Variants in CCSER1 observed in about 807,000 individuals in gnomAD.
The protein encoded by CCSER1 is serine-rich coiled-coil domain-containing protein 1.
In CCSER1, 41 loss-of-function variants were observed where a neutral mutation model predicts 82.0. The observed-to-expected ratio is 0.50, with a 90% CI of 0.39 to 0.65. The LOEUF is 0.65. CCSER1 is among the 30% of genes least tolerant of loss of function. The pLI is 0.00. For synonymous variants in CCSER1, 414 were observed against 383.9 expected (o/e 1.08, Z -0.92); for missense variants, 1,119 against 1,064.2 (o/e 1.05, Z -0.72).
chr4:91,087,123 G>T (rs990003773), intron 10 of CCSER1, among the ~76,000 whole-genome samples: 7 of 152,014 alleles, frequency 4.6e-5, no homozygotes, highest in Admixed American at 4.6e-4. Flanking sequence ...TAACCAAAAT[G>T]GATCTACTTA....
At chr4:90,199,417 T>C (rs2153403831) in intron 1 of CCSER1, among the ~76,000 whole-genome samples, 1 of 152,318 alleles carries the variant, frequency 6.6e-6, no homozygotes, top group East Asian at 1.9e-4. Context: ...ATTACCCCTT[T>C]TGTTTTTCCA....
intron 10 of CCSER1, among the ~76,000 whole-genome samples, chr4:91,589,476 A>AT (rs748539101): frequency 2.6e-5 from 4 of 151,828 alleles, no homozygotes; most frequent in Non-Finnish European, 5.9e-5. Context: ...GAATCTAAAG[A>AT]TTTTTTTAAG....
intron 10 of CCSER1, among the ~76,000 whole-genome samples, chr4:91,439,248 C>T (rs530194814): frequency 6.6e-6 from 1 of 151,930 alleles, no homozygotes; most frequent in South Asian, 2.1e-4. Flanking sequence ...CGGGTTACCC[C>T]CAAAGGGAAG....
rs571742936 is a variant in CCSER1 at position 91,363,267 on chromosome 4, G to A, written c.2218-235305G>A. Among the ~76,000 whole-genome samples the A allele has an allele frequency of 5.9e-5, 9 of 151,660 alleles. 1 individual carries two copies. The highest frequency in any genetic ancestry group is 4.2e-4 in the South Asian group (2 of 4,816). On this transcript the variant is annotated intron_variant, in intron 10 of 10. Transcript: ENST00000509176. The stretch of plus-strand genomic sequence containing the variant: ...ATTGAAGAAAAGACCTATAGTTTAC[G>A]TCTAGCAGATTAATTCATAATAAAT...
chr4:91,158,675 A>G (rs967879998), intron 10 of CCSER1, among the ~76,000 whole-genome samples: 2 of 151,686 alleles, frequency 1.3e-5, no homozygotes, highest in Non-Finnish European at 2.9e-5. Flanking sequence ...ACAAACGTGC[A>G]GGCAAACGCA....
At chr4:90,983,119 C>G (rs1736269808) in intron 9 of CCSER1, among the ~76,000 whole-genome samples, 2 of 151,752 alleles carry the variant, frequency 1.3e-5, no homozygotes, top group Non-Finnish European at 2.9e-5. Flanking sequence ...TCATGAATCA[C>G]TATCACAACC....
At chr4:90,659,397 A>G (rs1002523598) in intron 6 of CCSER1, among the ~76,000 whole-genome samples, 2 of 152,234 alleles carry the variant, frequency 1.3e-5, no homozygotes, top group East Asian at 3.9e-4. Flanking sequence ...CTCTTAGTGG[A>G]TAAGAATTGT....
intron 10 of CCSER1, among the ~76,000 whole-genome samples, chr4:91,395,680 G>T (rs1013137867): frequency 1.3e-5 from 2 of 152,026 alleles, no homozygotes; most frequent in Admixed American, 6.6e-5. Flanking sequence ...TTATATCACA[G>T]GAATCTTATT....
At chr4:90,630,125 G>A (rs1724097525) in intron 6 of CCSER1, among the ~76,000 whole-genome samples, 1 of 111,154 alleles carries the variant, frequency 9.0e-6, no homozygotes. Context: ...ATTACTATGT[G>A]TATAACTGTA....
chr4:90,524,412 C>T (rs898153685), intron 5 of CCSER1, among the ~76,000 whole-genome samples: 2 of 152,168 alleles, frequency 1.3e-5, no homozygotes, highest in Non-Finnish European at 1.5e-5. Flanking sequence ...TTCCAAACCA[C>T]AAGTACCTTG....
chr4:91,470,741 A>C (rs1387285869), intron 10 of CCSER1, among the ~76,000 whole-genome samples: 3 of 152,162 alleles, frequency 2.0e-5, no homozygotes, highest in Non-Finnish European at 4.4e-5. Flanking sequence ...GAGTTCTTGT[A>C]ATCTACCATC....
At chr4:90,931,499 C>A (rs1346951585) in intron 9 of CCSER1, among the ~76,000 whole-genome samples, 1 of 151,972 alleles carries the variant, frequency 6.6e-6, no homozygotes, top group Non-Finnish European at 1.5e-5. Flanking sequence ...ATTTTTTAAT[C>A]GCAGAAATCA....
intron 9 of CCSER1, among the ~76,000 whole-genome samples, chr4:90,926,454 A>G (rs1729073489): frequency 6.6e-6 from 1 of 152,030 alleles, no homozygotes; most frequent in South Asian, 2.1e-4. Flanking sequence ...TTGGGAAAAT[A>G]GCTGTTGCTA....
chr4:91,024,828 A>T (rs1199873553), intron 9 of CCSER1, among the ~76,000 whole-genome samples: 3 of 152,146 alleles, frequency 2.0e-5, no homozygotes, highest in Non-Finnish European at 4.4e-5. Context: ...AGCAGGTATG[A>T]CTTTAAAAAA....
intron 9 of CCSER1, among the ~76,000 whole-genome samples, chr4:91,025,186 G>C (rs1026599114): frequency 1.3e-5 from 2 of 152,062 alleles, no homozygotes; most frequent in South Asian, 2.1e-4. Context: ...TTTGTCTCTT[G>C]TAATTTCTAT....
chr4:91,594,470 CAT>C lies in CCSER1; in HGVS notation c.2218-4094_2218-4093del, dbSNP rs1226229660. On this transcript the variant is annotated intron_variant, in intron 10 of 10. Coordinates refer to ENST00000509176, the MANE Select transcript of CCSER1 (RefSeq NM_001145065.2). ...ATACATATATATACACACATATATACATATATATACATATATATATACCCAAA... is the reference window on the plus strand; with the variant it reads ...ATACATATATATACACACATATATACATATATACATATATATATACCCAAA... Among the ~76,000 whole-genome samples the C allele has an allele frequency of 1.2e-3, 172 of 148,392 alleles. 1 individual carries two copies. The highest frequency in any genetic ancestry group is 4.0e-3 in the African/African-American group (163 of 40,530).
intron 10 of CCSER1, among the ~76,000 whole-genome samples, chr4:91,400,608 T>C (rs964475704): frequency 6.6e-6 from 1 of 150,606 alleles, no homozygotes; most frequent in Non-Finnish European, 1.5e-5. Flanking sequence ...TATTTATAAT[T>C]GTACTCATCT....
intron 4 of CCSER1, among the ~76,000 whole-genome samples, chr4:90,403,512 A>G (rs1246707691): frequency 2.0e-5 from 3 of 150,536 alleles, no homozygotes; most frequent in Non-Finnish European, 1.5e-5. Flanking sequence ...AAAAAAAAAA[A>G]AAAAAAAAGA....
intron 9 of CCSER1, among the ~76,000 whole-genome samples, chr4:91,048,701 C>T (rs1318272034): frequency 6.6e-6 from 1 of 152,102 alleles, no homozygotes; most frequent in Admixed American, 6.5e-5. Flanking sequence ...AGAAACCCTA[C>T]TCATGATGAA....
Sources: gnomAD v4.1 joint callset for allele counts (sites outside exome capture counted in the v4.1 genomes callset) on GRCh38, gnomAD v4.1.1 for gene constraint, MANE v1.5 for transcripts, NCBI Gene and HGNC (gene_info 2026-07-23, HGNC 2026-07-21) for gene names.